The following GBP6 variants were observed in gnomAD, a reference collection of about 807,000 sequenced individuals.
GBP6 encodes the protein guanylate-binding protein 6.
In GBP6, 54 loss-of-function variants were observed where a neutral mutation model predicts 61.5. The observed-to-expected ratio is 0.88, with a 90% confidence interval of 0.71 to 1.10. The LOEUF is 1.10. Among genes scored for constraint, GBP6 ranks in the 50% least tolerant of loss-of-function variants. The pLI is 0.00. For missense variants in GBP6, 748 were observed against 752.8 expected, an observed-to-expected ratio of 0.99 and a Z score of 0.07; for synonymous variants, 255 against 273.7, an observed-to-expected ratio of 0.93 and a Z score of 0.67.
At chr1:89,384,396 T>G in intron 10 of GBP6, 110 bp downstream of exon 10, 1 of 813,998 alleles carries the variant, frequency 1.2e-6, no homozygotes. Context: ...CACCATTTGC[T>G]GCTTGGCAAT....
intron 5 of GBP6, among the ~76,000 whole-genome samples, 200 bp downstream of exon 5, chr1:89,378,813 A>G (rs1038837300): frequency 6.6e-6 from 1 of 152,198 alleles, no homozygotes; most frequent in African/African-American, 2.4e-5. Flanking sequence ...CAGATAAATT[A>G]TTCAAGACAG....
intron 3 of GBP6, 23 bp from the exon 4 acceptor site, chr1:89,378,080 C>T: frequency 6.2e-7 from 1 of 1,602,086 alleles, no homozygotes; most frequent in Non-Finnish European, 8.5e-7. Flanking sequence ...CTCCTAAGTC[C>T]TTTGCTCTAA....
Position 89,371,198 on chromosome 1 carries a change from T to C in GBP6, c.318+1525T>C, listed in dbSNP as rs576650361. Among the ~76,000 whole-genome samples the C allele has an allele frequency of 6.6e-5, 10 of 152,140 alleles. No homozygotes were observed. The South Asian group carries it at 2.1e-3, about 32-fold the overall frequency. On this transcript the variant is annotated intron_variant, in intron 3 of 10. Transcript: ENST00000370456. Reference sequence around the variant, plus strand: ...TCCCTTTTTTGAGATTGAATATATATAGACGGATTCGCAGCTGAATTCTAC... The same window carrying C: ...TCCCTTTTTTGAGATTGAATATATACAGACGGATTCGCAGCTGAATTCTAC...
intron 3 of GBP6, among the ~76,000 whole-genome samples, chr1:89,374,470 A>T (rs1652746865): frequency 6.6e-6 from 1 of 152,182 alleles, no homozygotes; most frequent in South Asian, 2.1e-4. Flanking sequence ...GTTGGATCAC[A>T]TGGTAGTTCT....
At chr1:89,377,469 C>T (rs191682803) in intron 3 of GBP6, among the ~76,000 whole-genome samples, 120 of 152,268 alleles carry the variant, frequency 7.9e-4, no homozygotes, top group Non-Finnish European at 1.3e-3. Flanking sequence ...TTTCATAGCT[C>T]TTATCTTCCT....
intron 1 of GBP6, among the ~76,000 whole-genome samples, chr1:89,368,088 C>T (rs1372406333): frequency 6.6e-6 from 1 of 152,102 alleles, no homozygotes; most frequent in Non-Finnish European, 1.5e-5. Flanking sequence ...AACTTCCTAG[C>T]CTGCTATTTT....
chr1:89,373,566 C>T (rs921087569), intron 3 of GBP6, among the ~76,000 whole-genome samples: 13 of 152,006 alleles, frequency 8.6e-5, no homozygotes, highest in African/African-American at 3.1e-4. Flanking sequence ...ATCACAAGGA[C>T]AAAAAACCAA....
intron 3 of GBP6, 106 bp from the exon 4 acceptor site, chr1:89,377,997 G>A: frequency 1.0e-6 from 1 of 1,000,036 alleles, no homozygotes; most frequent in Non-Finnish European, 1.5e-6. Context: ...TCTTTGTACA[G>A]CAAGTACATT....
chr1:89,375,273 G>A (rs6658057), intron 3 of GBP6, among the ~76,000 whole-genome samples: 103,212 of 152,016 alleles, frequency 0.68, 35,187 homozygotes, highest in African/African-American at 0.72. Context: ...AAAAAAGCTC[G>A]ACATCACTGA....
rs1653111947 is a variant in GBP6 at position 89,385,439 on chromosome 1, A to G, written c.1872A>G (p.Ser624=). 1.2e-6 allele frequency: 2 copies of G among 1,613,938 alleles called. No individual in the cohort carries two copies. Among genetic ancestry groups the G allele is most frequent in the East Asian group, 4.5e-5 (2 of 44,864 alleles). The change falls in exon 11 of 11, where the codon TCA becomes TCG. Residue 624 remains serine, a synonymous_variant. Coordinates refer to ENST00000370456, the MANE Select transcript of GBP6 (RefSeq NM_198460.3). ...LIGHGVKGVS[S]LFKKHKLPF ...GTCATGGTGTCAAAGGTGTGAGCTCACTCTTTAAAAAGCATAAGCTCCCCT... is the reference window on the plus strand; with the variant it reads ...GTCATGGTGTCAAAGGTGTGAGCTCGCTCTTTAAAAAGCATAAGCTCCCCT...
At chr1:89,371,871 A>G (rs951586362) in intron 3 of GBP6, among the ~76,000 whole-genome samples, 2 of 152,210 alleles carry the variant, frequency 1.3e-5, no homozygotes, top group Middle Eastern at 3.2e-3. Context: ...AGGAAGTCAA[A>G]TTGTCCCTGT....
intron 7 of GBP6, 112 bp downstream of exon 7, chr1:89,382,086 G>A: frequency 9.2e-7 from 1 of 1,091,666 alleles, no homozygotes; most frequent in Non-Finnish European, 1.3e-6. Context: ...ACTTATTGTG[G>A]ATTCTCATGA....
At chr1:89,374,960 C>T (rs1336261189) in intron 3 of GBP6, among the ~76,000 whole-genome samples, 5 of 152,000 alleles carry the variant, frequency 3.3e-5, no homozygotes, top group African/African-American at 9.7e-5. Context: ...TGTGTTGTTC[C>T]CCTCTATATG....
chr1:89,383,527 G>A (rs1653047782), intron 8 of GBP6, 125 bp from the exon 9 acceptor site: 1 of 678,986 alleles, frequency 1.5e-6, no homozygotes, highest in South Asian at 1.8e-5. Flanking sequence ...CGCACACTTT[G>A]TAGGGGGCCA....
At chr1:89,378,030 C>A in intron 3 of GBP6, 73 bp from the exon 4 acceptor site, 1 of 1,351,034 alleles carries the variant, frequency 7.4e-7, no homozygotes, top group Non-Finnish European at 1.0e-6. Context: ...AAGTGAAAGA[C>A]TGACAAAATA....
chr1:89,369,462 A>C (rs928365041), intron 2 of GBP6, 84 bp from the exon 3 acceptor site: 6 of 1,491,426 alleles, frequency 4.0e-6, no homozygotes, highest in Admixed American at 4.3e-5. Flanking sequence ...GGGTAGTTAC[A>C]ATCCAACCAG....
In GBP6 at chr1:89,378,339, G is replaced by C. The variant is rs1652864566; in HGVS notation, c.429-78G>C. On this transcript the variant is annotated intron_variant, in intron 4 of 10. Transcript: ENST00000370456. ...GCAGCACAGGGAACCCAAGACAAAA[G>C]AGAGTGTTTATAATATTTTTATAAA... 4 of 1,535,928 alleles carry C rather than the reference G, an allele frequency of 2.6e-6. 1 individual carries two copies. In the South Asian group the frequency reaches 4.7e-5, roughly 18 times the overall value.
At chr1:89,378,029 A>G in intron 3 of GBP6, 74 bp from the exon 4 acceptor site, 1 of 1,340,692 alleles carries the variant, frequency 7.5e-7, no homozygotes, top group Non-Finnish European at 1.0e-6. Context: ...TAAGTGAAAG[A>G]CTGACAAAAT....
At chr1:89,384,030 A>G (rs113087086) in intron 9 of GBP6, 63 bp from the exon 10 acceptor site, 1 of 1,455,280 alleles carries the variant, frequency 6.9e-7, no homozygotes, top group South Asian at 1.4e-5. Flanking sequence ...GTCTCAGCTC[A>G]GAAAAGTGGA....
Sources: gnomAD v4.1 joint callset for allele counts (sites outside exome capture counted in the v4.1 genomes callset) on GRCh38, gnomAD v4.1.1 for gene constraint, MANE v1.5 for transcripts, NCBI Gene and HGNC (gene_info 2026-07-23, HGNC 2026-07-21) for gene names.